The following FAM20B variants were observed in gnomAD, a reference collection of about 807,000 sequenced individuals.
FAM20B encodes the protein FAM20B glycosaminoglycan xylosylkinase, also known as glycosaminoglycan xylosylkinase.
FAM20B carries 23 observed loss-of-function variants against 43.8 expected under a neutral mutation model. The observed-to-expected ratio is 0.53, with a 90% CI of 0.38 to 0.74. The LOEUF (loss-of-function observed/expected upper bound fraction) is 0.74, where lower values mean the gene tolerates loss of function less well. Among genes scored for constraint, FAM20B ranks in the 30% least tolerant of loss-of-function variants. The pLI is 0.00. For missense variants in FAM20B, 440 were observed against 510.5 expected (o/e 0.86, Z 1.33); for synonymous variants, 178 against 192.4 (o/e 0.93, Z 0.62).
intron 6 of FAM20B, 124 bp downstream of exon 6, chr1:179,064,620 T>A: frequency 2.8e-6 from 2 of 724,276 alleles, no homozygotes; most frequent in Non-Finnish European, 4.5e-6. Flanking sequence ...TTTTTTCCAC[T>A]TGGAGTCTTT....
chr1:179,037,635 C>A (rs1359614876), intron 1 of FAM20B, among the ~76,000 whole-genome samples: 1 of 151,822 alleles, frequency 6.6e-6, no homozygotes, highest in African/African-American at 2.4e-5. Context: ...TACAGGTGCC[C>A]ACCACCACGC....
chr1:179,021,770 T>G (rs187137615), upstream of FAM20B, among the ~76,000 whole-genome samples: 1 of 152,364 alleles, frequency 6.6e-6, no homozygotes, highest in South Asian at 2.1e-4. Flanking sequence ...TTGGGGGTGA[T>G]GAAAATGTTC....
At chr1:179,031,120 T>G (rs1218153529) in intron 1 of FAM20B, among the ~76,000 whole-genome samples, 1 of 152,188 alleles carries the variant, frequency 6.6e-6, no homozygotes. Context: ...TGTAGTGAAT[T>G]GAACACTAAA....
chr1:179,041,753 AAGGGGAG>A (rs1316881118), intron 1 of FAM20B, among the ~76,000 whole-genome samples: 1 of 143,624 alleles, frequency 7.0e-6, no homozygotes, highest in Non-Finnish European at 1.5e-5. Flanking sequence ...CGGGCAGGGA[AAGGGGAG>A]AGGGGAGAGG....
intron 4 of FAM20B, among the ~76,000 whole-genome samples, chr1:179,063,517 GGCAGAGGT>G (rs1651562288): frequency 1.3e-5 from 2 of 152,282 alleles, no homozygotes; most frequent in South Asian, 4.1e-4. Flanking sequence ...GAGCCCCAGA[GGCAGAGGT>G]TGCAGTGAGC....
intron 1 of FAM20B, among the ~76,000 whole-genome samples, chr1:179,035,889 G>C (rs564716113): frequency 5.5e-4 from 83 of 152,222 alleles, no homozygotes; most frequent in Admixed American, 9.2e-4. Flanking sequence ...CAGCACATTG[G>C]GGGGCTGAGG....
rs1447917896 is a variant in FAM20B at position 179,061,838 on chromosome 1, CTACAATTTATGACCAT to C, written c.575-2086_575-2071del. Among the ~76,000 whole-genome samples the C allele has an allele frequency of 2.5e-4, 38 of 152,152 alleles. 1 individual carries two copies. Among genetic ancestry groups the C allele is most frequent in the Admixed American group, 2.5e-3 (38 of 15,274 alleles). On this transcript the variant is annotated intron_variant, in intron 4 of 7. Coordinates refer to ENST00000263733, the MANE Select transcript of FAM20B (RefSeq NM_014864.4). ...TATATCACCATGAACTCACTATGAG[CTACAATTTATGACCAT>C]TATAATTATTTGGATGCTTAAACTG...
In FAM20B at chr1:179,043,953, G is replaced by C. The variant is rs1650651081; in HGVS notation, c.106G>C (p.Glu36Gln). The C allele has an allele frequency of 1.2e-6, 2 of 1,613,982 alleles. No homozygotes were observed. Among genetic ancestry groups the C allele is most frequent in the Admixed American group, 1.7e-5 (1 of 60,006 alleles). The change falls in exon 2 of 8, where the codon GAG becomes CAG. Residue 36 changes from glutamate to glutamine, a missense_variant. Coordinates refer to ENST00000263733, the MANE Select transcript of FAM20B (RefSeq NM_014864.4). The stretch of plus-strand genomic sequence containing the variant: ...CTTAGATACATCAGCTGCCAACCGG[G>C]AGGACCAGAGGGCCTTTCACCGAAT... ...DNLDTSAANR[E>Q]DQRAFHRMMT... is the part of the protein sequence containing the mutation.
At position 179,064,453 on chromosome 1, in the gene FAM20B, G is replaced by A. The variant is rs371494390; in HGVS notation, c.895G>A (p.Asp299Asn). The A allele has an allele frequency of 6.2e-7, 1 of 1,614,034 alleles. No homozygotes were observed. The highest frequency in any genetic ancestry group is 8.5e-7 in the Non-Finnish European group (1 of 1,180,012). Reference sequence around the variant, plus strand: ...CCATCACTATGAGAGCTTTCAAGATGATGAAGGCGCTAGTATGCTCATCCT... The same window carrying A: ...CCATCACTATGAGAGCTTTCAAGATAATGAAGGCGCTAGTATGCTCATCCT... ...DRHHYESFQDDEGASMLILLD... is the reference protein window; with the variant it reads ...DRHHYESFQDNEGASMLILLD... Residue 299 changes from aspartate to asparagine, a missense_variant, in exon 6 of 8, where the codon GAT (aspartate) becomes AAT (asparagine). Transcript: ENST00000263733.
In FAM20B at chr1:179,072,091, T is replaced by A. The variant is rs1222471968; in HGVS notation, c.1177T>A (p.Phe393Ile). The change falls in exon 8 of 8, where the codon TTT becomes ATT. Residue 393 changes from phenylalanine (F) to isoleucine (I), a missense_variant. Phe to Ile is a conservative substitution (Grantham distance 21). Transcript: ENST00000263733. ...LATVKQCTDQ[F>I]GMDTVLVEDR... ...CACCGTGAAGCAGTGCACCGACCAG[T>A]TTGGGATGGACACAGTACTGGTGGA... 6.2e-7 allele frequency: 1 copy of A among 1,613,836 alleles called. No homozygotes were observed. Among genetic ancestry groups the A allele is most frequent in the Non-Finnish European group, 8.5e-7 (1 of 1,179,926 alleles).
Position 179,075,340 on chromosome 1 carries a change from C to T in FAM20B, c.*3196C>T, listed in dbSNP as rs1411969884. ...TGCCTACCAAACATCCAAAGGTAGA[C>T]GTGGAGACATTTTAATACTACAAAA... is the stretch of plus-strand genomic sequence containing the variant. On this transcript the variant is annotated 3_prime_UTR_variant, in exon 8 of 8. Transcript: ENST00000263733. 6.6e-6 allele frequency: 1 copy of T among 152,056 alleles called. No homozygotes were observed. Among genetic ancestry groups the T allele is most frequent in the Non-Finnish European group, 1.5e-5 (1 of 68,032 alleles). The allele number at this position is 152,056 out of a possible 1,614,324, so 9.4% of individuals were successfully genotyped here. A position where few individuals can be genotyped will look rare whatever the true frequency, so the allele number is the denominator to read the frequency against.
intron 1 of FAM20B, among the ~76,000 whole-genome samples, chr1:179,029,535 G>C (rs537717325): frequency 9.8e-5 from 15 of 152,362 alleles, no homozygotes; most frequent in African/African-American, 3.6e-4. Context: ...TGTCATCCCA[G>C]TGTGAGATAA....
At chr1:179,035,526 T>C in intron 1 of FAM20B, 1 of 662,084 alleles carries the variant, frequency 1.5e-6, no homozygotes, top group Non-Finnish European at 2.8e-6. Flanking sequence ...CTCCACTATA[T>C]TTCGAATGAT....
chr1:179,040,637 C>T (rs1319721081), intron 1 of FAM20B, among the ~76,000 whole-genome samples: 3 of 133,692 alleles, frequency 2.2e-5, no homozygotes, highest in Non-Finnish European at 3.2e-5. Context: ...CCTCACCTCC[C>T]GGACGGGGCG....
At chr1:179,052,725 C>T (rs1463108441) in intron 3 of FAM20B, among the ~76,000 whole-genome samples, 2 of 152,188 alleles carry the variant, frequency 1.3e-5, no homozygotes, top group Non-Finnish European at 2.9e-5. Context: ...TGAATTTTTG[C>T]TGCCCCTTTT....
At chr1:179,041,238 A>C (rs974343438) in intron 1 of FAM20B, among the ~76,000 whole-genome samples, 2 of 151,792 alleles carry the variant, frequency 1.3e-5, no homozygotes, top group Non-Finnish European at 2.9e-5. Flanking sequence ...GACGCTCCTC[A>C]CTTCCCAGAC....
intron 7 of FAM20B, among the ~76,000 whole-genome samples, chr1:179,067,131 T>C (rs1651723762): frequency 1.3e-5 from 2 of 149,766 alleles, no homozygotes. Context: ...CAGAATATAA[T>C]CACCCACACT....
At chr1:179,020,928 A>G (rs1649593525), upstream of FAM20B, among the ~76,000 whole-genome samples, 3 of 152,188 alleles carry the variant, frequency 2.0e-5, no homozygotes, top group African/African-American at 7.2e-5. Context: ...AAAATCAGCC[A>G]GGCATGGTGG....
At chr1:179,043,542 T>A (rs1207255558) in intron 1 of FAM20B, among the ~76,000 whole-genome samples, 173 bp from the exon 2 acceptor site, 2 of 152,228 alleles carry the variant, frequency 1.3e-5, no homozygotes, top group Non-Finnish European at 2.9e-5. Flanking sequence ...GTTGGGCCAC[T>A]GCTGCCATCA....
Sources: allele counts gnomAD v4.1 joint callset (sites outside exome capture counted in the v4.1 genomes callset), GRCh38; gene constraint gnomAD v4.1.1; transcripts MANE v1.5; gene names NCBI Gene and HGNC (gene_info 2026-07-23, HGNC 2026-07-21).